Variants in PPIG observed in about 807,000 individuals in gnomAD.
The protein encoded by PPIG is peptidylprolyl isomerase G, also known as peptidyl-prolyl cis-trans isomerase G.
PPIG carries 26 observed loss-of-function variants against 87.9 expected under a neutral mutation model. The ratio of observed to expected loss-of-function variants is 0.30; its 90% CI spans 0.22 to 0.41. The LOEUF (loss-of-function observed/expected upper bound fraction) is 0.41, where lower values mean the gene tolerates loss of function less well. Ranked by LOEUF, PPIG falls within the 10% of genes least tolerant of loss-of-function variation. The pLI, the probability that PPIG is intolerant of heterozygous loss-of-function variation, is 1.00. For synonymous variants in PPIG, 308 were observed against 276.5 expected (o/e 1.11, Z -1.13); for missense variants, 722 against 879.4 (o/e 0.82, Z 2.26).
intron 7 of PPIG, 56 bp downstream of exon 7, chr2:169,608,814 G>A: frequency 1.6e-6 from 2 of 1,262,892 alleles, no homozygotes; most frequent in Non-Finnish European, 2.3e-6. Flanking sequence ...CGGGCACGGT[G>A]GCTCATGCCT....
At chr2:169,592,746 T>C (rs1163806202) in intron 1 of PPIG, among the ~76,000 whole-genome samples, 3 of 152,160 alleles carry the variant, frequency 2.0e-5, no homozygotes, top group African/African-American at 7.2e-5. Flanking sequence ...TCAGGTATTA[T>C]TTAATAATCG....
chr2:169,598,776 TTATA>T (rs1277486599), intron 1 of PPIG, among the ~76,000 whole-genome samples: 2 of 148,440 alleles, frequency 1.3e-5, no homozygotes, highest in Admixed American at 1.4e-4. Context: ...ATATATCAAA[TTATA>T]TATACATTTA....
rs552982392 is a variant in PPIG, at chr2:169,638,730, A to T, written c.*1207A>T. ...AAAGTTGCAAATTTTGATAGTTTAC[A>T]GAGTTAAACACTAAACATATCCAAA... On this transcript the variant is annotated 3_prime_UTR_variant, in exon 14 of 14. Transcript: ENST00000260970. 2.6e-5 allele frequency: 4 copies of T among 152,186 alleles called. No homozygotes were observed. Among genetic ancestry groups the T allele is most frequent in the African/African-American group, 7.2e-5 (3 of 41,570 alleles). 9.4% of individuals were successfully genotyped at this position (152,186 alleles called of 1,614,324 possible).
intron 7 of PPIG, among the ~76,000 whole-genome samples, chr2:169,613,329 A>G (rs16857073): frequency 0.15 from 22,294 of 152,174 alleles, 1,769 homozygotes; most frequent in Middle Eastern, 0.21. Flanking sequence ...GCTATATGTT[A>G]TAATTTTTTC....
intron 9 of PPIG, among the ~76,000 whole-genome samples, chr2:169,623,656 A>G (rs552477400): frequency 1.1e-4 from 16 of 152,354 alleles, no homozygotes; most frequent in African/African-American, 3.8e-4. Flanking sequence ...TTCTATGGTG[A>G]CAGGGTCCCA....
intron 9 of PPIG, among the ~76,000 whole-genome samples, chr2:169,616,171 C>T (rs1685603394): frequency 6.6e-6 from 1 of 152,152 alleles, no homozygotes; most frequent in Non-Finnish European, 1.5e-5. Context: ...CTGAAAAGGA[C>T]ATGAACTCAT....
intron 7 of PPIG, among the ~76,000 whole-genome samples, chr2:169,610,204 C>T (rs759446107): frequency 2.0e-5 from 3 of 152,148 alleles, no homozygotes; most frequent in African/African-American, 4.8e-5. Flanking sequence ...AGAAATCTGG[C>T]GCCTGATTAT....
At chr2:169,608,959 C>T (rs1274893445) in intron 7 of PPIG, among the ~76,000 whole-genome samples, 27 of 151,758 alleles carry the variant, frequency 1.8e-4, no homozygotes, top group Admixed American at 1.7e-3. Context: ...TGTCGGACGC[C>T]TGTAGTCCCA....
Position 169,608,639 on chromosome 2 carries a change from A to G in PPIG, c.290-32A>G, listed in dbSNP as rs534881540. 79 of 1,476,890 alleles carry G rather than the reference A, an allele frequency of 5.3e-5. 2 individuals carry two copies. In the South Asian group the frequency reaches 7.6e-4, roughly 14 times the overall value. 91.5% of individuals were successfully genotyped at this position (1,476,890 alleles called of 1,614,324 possible). A position where few individuals can be genotyped will look rare whatever the true frequency, so the allele number is the denominator to read the frequency against. ...TGAAATTTTTTTGGAGGTTATATCT[A>G]TAATGTAACTGAAAACTTTACTTCT... On this transcript the variant is annotated intron_variant, in intron 6 of 13. Transcript: ENST00000260970.
At chr2:169,616,668 T>G (rs1685616595) in intron 9 of PPIG, among the ~76,000 whole-genome samples, 1 of 152,218 alleles carries the variant, frequency 6.6e-6, no homozygotes, top group African/African-American at 2.4e-5. Context: ...TCTGTTCGTA[T>G]CCTTTGCCCG....
At chr2:169,629,300 A>G (rs1217603624) in intron 9 of PPIG, among the ~76,000 whole-genome samples, 8 of 152,222 alleles carry the variant, frequency 5.3e-5, no homozygotes, top group African/African-American at 1.9e-4. Flanking sequence ...TATTTTATCA[A>G]TAAATGTTAT....
At chr2:169,619,042 T>G (rs943633304) in intron 9 of PPIG, among the ~76,000 whole-genome samples, 1 of 152,194 alleles carries the variant, frequency 6.6e-6, no homozygotes, top group African/African-American at 2.4e-5. Context: ...CTCGAAACAC[T>G]ACTTTAGCTG....
intron 1 of PPIG, among the ~76,000 whole-genome samples, chr2:169,593,832 T>G (rs1371195890): frequency 6.8e-6 from 1 of 147,668 alleles, no homozygotes; most frequent in Non-Finnish European, 1.5e-5. Flanking sequence ...TTTTTTTGTA[T>G]TTTTAGTAGA....
intron 7 of PPIG, among the ~76,000 whole-genome samples, chr2:169,612,292 C>G (rs1685510320): frequency 6.6e-6 from 1 of 151,980 alleles, no homozygotes; most frequent in East Asian, 1.9e-4. Context: ...AAGTGGAATT[C>G]CACAATTTTT....
chr2:169,629,657 T>A (rs1685984937), intron 9 of PPIG, among the ~76,000 whole-genome samples: 1 of 152,232 alleles, frequency 6.6e-6, no homozygotes. Context: ...CAGTTGTGAC[T>A]TGAAATTCCT....
chr2:169,605,030 T>C (rs2105488061), intron 4 of PPIG, among the ~76,000 whole-genome samples: 2 of 151,830 alleles, frequency 1.3e-5, no homozygotes, highest in Middle Eastern at 3.4e-3. Flanking sequence ...AAACCCCATC[T>C]CTACTAAAAA....
In PPIG at chr2:169,588,239, G is replaced by A. The variant is rs150474066; in HGVS notation, c.-70+3749G>A. On this transcript the variant is annotated intron_variant, in intron 1 of 13. Transcript: ENST00000260970. ...AAAAATGAACGAAGCATATTCGTGT[G>A]TGTGTGTGTATATACTAAGCTCTTG... Among the ~76,000 whole-genome samples, 3 of 152,274 alleles carry A rather than the reference G, an allele frequency of 2.0e-5. No individual in the cohort carries two copies. The East Asian group carries it at 5.8e-4, about 29-fold the overall frequency.
intron 11 of PPIG, among the ~76,000 whole-genome samples, chr2:169,632,381 A>C (rs1314062395): frequency 6.6e-6 from 1 of 152,200 alleles, no homozygotes. Context: ...ATCCTGAAAA[A>C]AGTTTACTAC....
At chr2:169,602,559 G>A (rs1032989964) in intron 1 of PPIG, among the ~76,000 whole-genome samples, 4 of 152,092 alleles carry the variant, frequency 2.6e-5, no homozygotes, top group Non-Finnish European at 4.4e-5. Flanking sequence ...TGATCCGCCC[G>A]CCTCAGCCCC....
Sources: gnomAD v4.1 joint callset for allele counts (sites outside exome capture counted in the v4.1 genomes callset) on GRCh38, gnomAD v4.1.1 for gene constraint, MANE v1.5 for transcripts, NCBI Gene and HGNC (gene_info 2026-07-23, HGNC 2026-07-21) for gene names.